The following MELK variants were observed in gnomAD, a reference collection of about 807,000 sequenced individuals.
MELK encodes the protein pEg3 kinase.
In MELK, 81 loss-of-function variants were observed where a neutral mutation model predicts 85.0. That is an observed-to-expected ratio of 0.95 (90% confidence interval 0.80 to 1.15). The LOEUF is 1.15. MELK is among the 50% of genes most tolerant of loss of function. The pLI, the probability that MELK is intolerant of heterozygous loss-of-function variation, is 0.00. For synonymous variants in MELK, 252 were observed against 265.0 expected, an observed-to-expected ratio of 0.95 and a Z score of 0.48; for missense variants, 754 against 777.5, an observed-to-expected ratio of 0.97 and a Z score of 0.36.
chr9:36,614,429 T>G (rs532664509), intron 8 of MELK, among the ~76,000 whole-genome samples: 2 of 137,210 alleles, frequency 1.5e-5, no homozygotes, highest in Non-Finnish European at 3.0e-5. Flanking sequence ...TTTTGGGTTT[T>G]TTTTTTTTTT....
chr9:36,674,231 G>A (rs1031885103), intron 16 of MELK, among the ~76,000 whole-genome samples: 1 of 152,114 alleles, frequency 6.6e-6, no homozygotes, highest in Non-Finnish European at 1.5e-5. Flanking sequence ...AATGAATGAA[G>A]GATAAATATC....
intron 5 of MELK, among the ~76,000 whole-genome samples, chr9:36,595,301 AATTTTTTGT>A (rs963337824): frequency 2.0e-5 from 3 of 151,910 alleles, no homozygotes; most frequent in Non-Finnish European, 4.4e-5. Context: ...ACACCCGGCT[AATTTTTTGT>A]ATTTTTTAGT....
At chr9:36,596,563 G>GTTTTTTT (rs750016508) in intron 5 of MELK, among the ~76,000 whole-genome samples, 1 of 106,134 alleles carries the variant, frequency 9.4e-6, no homozygotes. Flanking sequence ...GGCCCTTTTT[G>GTTTTTTT]TTTTTTTTGT....
At chr9:36,621,538 G>A (rs572885544) in intron 8 of MELK, among the ~76,000 whole-genome samples, 3 of 152,096 alleles carry the variant, frequency 2.0e-5, no homozygotes, top group African/African-American at 4.8e-5. Flanking sequence ...AGGTCACACA[G>A]CTAGTAAGAG....
At chr9:36,670,121 C>T (rs955157982) in intron 15 of MELK, among the ~76,000 whole-genome samples, 26 of 152,112 alleles carry the variant, frequency 1.7e-4, no homozygotes, top group Admixed American at 5.2e-4. Context: ...TTGAAAAATG[C>T]ATTCAGGTTC....
In MELK at chr9:36,651,934, A is replaced by T. The variant is rs995636077; in HGVS notation, c.1053+57A>T. On this transcript the variant is annotated intron_variant, in intron 12 of 17. Transcript: ENST00000298048. The stretch of plus-strand genomic sequence containing the variant: ...GTGCCCTCCCTGTTCCTGAGTGTGT[A>T]TACCACTGGGAAGGTAAACTTTCCG... 4 of 1,505,604 alleles carry T rather than the reference A, an allele frequency of 2.7e-6. No individual in the cohort carries two copies. In the African/African-American group the frequency reaches 4.2e-5, roughly 16 times the overall value. 93.3% of individuals were successfully genotyped at this position (1,505,604 alleles called of 1,614,324 possible). A position where few individuals can be genotyped will look rare whatever the true frequency, so the allele number is the denominator to read the frequency against.
At chr9:36,670,961 C>G in intron 15 of MELK, 37 bp from the exon 16 acceptor site, 1 of 1,573,186 alleles carries the variant, frequency 6.4e-7, no homozygotes, top group African/African-American at 1.4e-5. Context: ...GCCGGAGGCC[C>G]AGCTCTACTT....
rs77354735 is a variant in MELK at position 36,593,570 on chromosome 9, T to C, written c.262-1058T>C. ...TGTTTATAAATTACCCAGCGTAAGG[T>C]ATTTTGTTATAGCAGCCCAAATGGA... On this transcript the variant is annotated intron_variant, in intron 4 of 17. Coordinates refer to ENST00000298048, the MANE Select transcript of MELK (RefSeq NM_014791.4). Among the ~76,000 whole-genome samples the C allele has an allele frequency of 8.0e-3, 1,222 of 152,322 alleles. 12 individuals are homozygous for C. Among genetic ancestry groups the C allele is most frequent in the African/African-American group, 0.028 (1,167 of 41,564 alleles).
chr9:36,658,873 T>G (rs1211211214), intron 13 of MELK, among the ~76,000 whole-genome samples: 2 of 151,008 alleles, frequency 1.3e-5, no homozygotes, highest in South Asian at 2.1e-4. Context: ...GGCTAATTTT[T>G]TTTTTTTCTA....
chr9:36,597,575 C>T (rs914446181), intron 6 of MELK, among the ~76,000 whole-genome samples: 6 of 152,158 alleles, frequency 3.9e-5, no homozygotes, highest in Admixed American at 3.9e-4. Flanking sequence ...GAGGCTATTA[C>T]AGCAAGAATG....
At chr9:36,626,146 C>A (rs1827905658) in intron 8 of MELK, among the ~76,000 whole-genome samples, 1 of 152,144 alleles carries the variant, frequency 6.6e-6, no homozygotes, top group Non-Finnish European at 1.5e-5. Flanking sequence ...GCTGATTGAG[C>A]CAGTGCCCTT....
Position 36,599,487 on chromosome 9 carries a change from GTAAT to G in MELK, c.567+4_567+7del, listed in dbSNP as rs1824682636. On this transcript the variant is annotated splice_donor_variant and splice_donor_5th_base_variant and intron_variant, in intron 7 of 17. Transcript: ENST00000298048. LOFTEE classifies it high-confidence loss of function. ...AGGCAAATCATATCTTGGATCAGAG[GTAAT>G]TATTCATTGATTAATTCATTATATA... 6.2e-7 allele frequency: 1 copy of G among 1,603,802 alleles called. No homozygotes were observed. The highest frequency in any genetic ancestry group is 8.5e-7 in the Non-Finnish European group (1 of 1,171,110).
chr9:36,634,204 A>G (rs763540797), intron 10 of MELK, among the ~76,000 whole-genome samples: 1 of 152,236 alleles, frequency 6.6e-6, no homozygotes, highest in Non-Finnish European at 1.5e-5. Flanking sequence ...AACTATTGGA[A>G]AGCACTCAAG....
At chr9:36,611,730 G>C (rs1826068751) in intron 8 of MELK, among the ~76,000 whole-genome samples, 1 of 151,012 alleles carries the variant, frequency 6.6e-6, no homozygotes, top group Admixed American at 6.6e-5. Context: ...AAAGCATTTA[G>C]AGTGGTGCTC....
intron 8 of MELK, among the ~76,000 whole-genome samples, chr9:36,609,428 C>A (rs893778902): frequency 1.3e-5 from 2 of 151,010 alleles, no homozygotes; most frequent in Non-Finnish European, 2.9e-5. Flanking sequence ...TCTCTGAATG[C>A]TTCACTCTCT....
At chr9:36,657,116 C>A (rs1831326335) in intron 12 of MELK, 125 bp from the exon 13 acceptor site, 2 of 1,097,974 alleles carry the variant, frequency 1.8e-6, no homozygotes, top group South Asian at 1.6e-5. Flanking sequence ...GATGTTCACA[C>A]AGTGATAAAA....
At chr9:36,626,804 A>C (rs1827969394) in intron 8 of MELK, among the ~76,000 whole-genome samples, 2 of 151,778 alleles carry the variant, frequency 1.3e-5, no homozygotes, top group South Asian at 4.2e-4. Flanking sequence ...CTAAAAATAC[A>C]AAAAATTAGC....
chr9:36,666,975 T>C (rs1450289160), intron 14 of MELK, among the ~76,000 whole-genome samples: 1 of 151,246 alleles, frequency 6.6e-6, no homozygotes, highest in Non-Finnish European at 1.5e-5. Context: ...TGAGATAGCC[T>C]CTACCCTGCA....
intron 8 of MELK, among the ~76,000 whole-genome samples, chr9:36,612,949 A>G (rs562590111): frequency 1.1e-4 from 17 of 152,362 alleles, no homozygotes; most frequent in African/African-American, 3.8e-4. Context: ...AACATAGATC[A>G]TAACATTTCA....
Sources: gnomAD v4.1 joint callset for allele counts (sites outside exome capture counted in the v4.1 genomes callset) on GRCh38, gnomAD v4.1.1 for gene constraint, MANE v1.5 for transcripts, NCBI Gene and HGNC (gene_info 2026-07-23, HGNC 2026-07-21) for gene names.